Variants in ZDHHC14 observed in about 807,000 individuals in gnomAD.
ZDHHC14 encodes zDHHC palmitoyltransferase 14, also known as palmitoyltransferase ZDHHC14.
In ZDHHC14, 16 loss-of-function variants were observed where a neutral mutation model predicts 47.7. The ratio of observed to expected loss-of-function variants is 0.34; its 90% CI spans 0.23 to 0.51. The LOEUF (loss-of-function observed/expected upper bound fraction) is 0.51, where lower values mean the gene tolerates loss of function less well. ZDHHC14 is among the 20% of genes least tolerant of loss of function. The pLI, the probability that ZDHHC14 is intolerant of heterozygous loss-of-function variation, is 0.97. For missense variants in ZDHHC14, 515 were observed against 662.5 expected, an observed-to-expected ratio of 0.78 and a Z score of 2.44; for synonymous variants, 293 against 278.9, an observed-to-expected ratio of 1.05 and a Z score of -0.50.
intron 1 of ZDHHC14, among the ~76,000 whole-genome samples, chr6:157,435,040 G>A (rs143188490): frequency 6.6e-6 from 1 of 152,346 alleles, no homozygotes; most frequent in East Asian, 1.9e-4. Flanking sequence ...GACCATCGCT[G>A]AACACAGATC....
chr6:157,657,855 G>A (rs1002904857), intron 8 of ZDHHC14, among the ~76,000 whole-genome samples: 1 of 152,178 alleles, frequency 6.6e-6, no homozygotes, highest in Non-Finnish European at 1.5e-5. Flanking sequence ...ATCTGGAAGA[G>A]GAACATTGGA....
intron 1 of ZDHHC14, among the ~76,000 whole-genome samples, chr6:157,443,018 C>G (rs1487685884): frequency 2.0e-5 from 3 of 152,118 alleles, no homozygotes; most frequent in African/African-American, 7.2e-5. Flanking sequence ...CTCTGTGTCC[C>G]CACCCAAACC....
At chr6:157,392,440 G>GC (rs995129466) in intron 1 of ZDHHC14, among the ~76,000 whole-genome samples, 1 of 151,922 alleles carries the variant, frequency 6.6e-6, no homozygotes, top group Non-Finnish European at 1.5e-5. Context: ...TGTGTATACA[G>GC]CCCCCCGTGT....
intron 1 of ZDHHC14, among the ~76,000 whole-genome samples, chr6:157,396,645 T>A (rs1158285179): frequency 6.6e-6 from 1 of 152,228 alleles, no homozygotes; most frequent in East Asian, 1.9e-4. Context: ...ATTATGGCTC[T>A]ATTTGGGAAA....
At chr6:157,585,035 T>C (rs1783638493) in intron 2 of ZDHHC14, among the ~76,000 whole-genome samples, 1 of 151,740 alleles carries the variant, frequency 6.6e-6, no homozygotes, top group African/African-American at 2.4e-5. Flanking sequence ...CAAAACCCCG[T>C]CTCTACTAAA....
intron 1 of ZDHHC14, among the ~76,000 whole-genome samples, chr6:157,429,616 G>C (rs1778296672): frequency 6.6e-6 from 1 of 151,746 alleles, no homozygotes; most frequent in Non-Finnish European, 1.5e-5. Context: ...GGAGGGGAAG[G>C]AAGGAGGGGA....
chr6:157,598,444 T>C (rs1380536479), intron 3 of ZDHHC14, among the ~76,000 whole-genome samples: 4 of 152,142 alleles, frequency 2.6e-5, no homozygotes, highest in Non-Finnish European at 5.9e-5. Context: ...ATGTGTTAAG[T>C]GCTGTGACAA....
chr6:157,397,868 TC>T (rs1380959599), intron 1 of ZDHHC14, among the ~76,000 whole-genome samples: 1 of 151,986 alleles, frequency 6.6e-6, no homozygotes, highest in African/African-American at 2.4e-5. Context: ...ACCGTGTCCA[TC>T]ACGGTTAATG....
intron 1 of ZDHHC14, among the ~76,000 whole-genome samples, chr6:157,484,441 C>CAT (rs536881364): frequency 2.6e-4 from 37 of 143,256 alleles, no homozygotes; most frequent in Non-Finnish European, 4.5e-4. Flanking sequence ...CGTATATATA[C>CAT]ATATATATGT....
chr6:157,503,596 T>C (rs912248075), intron 1 of ZDHHC14, among the ~76,000 whole-genome samples: 1 of 152,216 alleles, frequency 6.6e-6, no homozygotes, highest in African/African-American at 2.4e-5. Context: ...TCTCCTGATG[T>C]GTCTTGATTT....
At chr6:157,590,579 T>C (rs1390936310) in intron 2 of ZDHHC14, among the ~76,000 whole-genome samples, 1 of 152,326 alleles carries the variant, frequency 6.6e-6, no homozygotes, top group East Asian at 1.9e-4. Context: ...AGAGGATGTA[T>C]GGAAATGCCT....
chr6:157,564,628 C>T (rs1195875401), intron 2 of ZDHHC14, among the ~76,000 whole-genome samples: 1 of 152,164 alleles, frequency 6.6e-6, no homozygotes, highest in Non-Finnish European at 1.5e-5. Flanking sequence ...CTAGACCAAA[C>T]TGCTATTGAT....
At chr6:157,540,175 A>G (rs1781693396) in intron 1 of ZDHHC14, among the ~76,000 whole-genome samples, 2 of 152,152 alleles carry the variant, frequency 1.3e-5, no homozygotes, top group Non-Finnish European at 1.5e-5. Context: ...GCAAATACCA[A>G]TCTACAGTGT....
Position 157,381,916 on chromosome 6 carries a change from G to A in ZDHHC14, c.-106G>A, listed in dbSNP as rs1354456658. The stretch of plus-strand genomic sequence containing the variant: ...GAGCCCGTGTAGGGGCCGCGGCGCC[G>A]CGGCTCGGGGGGCGGCCGGGCGGCC... On this transcript the variant is annotated 5_prime_UTR_variant, in exon 1 of 9. Transcript: ENST00000359775. The A allele has an allele frequency of 1.1e-6, 1 of 947,862 alleles. No individual in the cohort carries two copies. Among genetic ancestry groups the A allele is most frequent in the South Asian group, 4.8e-5 (1 of 20,776 alleles). The allele number at this position is 947,862 out of a possible 1,614,324, so 58.7% of individuals were successfully genotyped here.
At chr6:157,602,071 A>C (rs1479039144) in intron 3 of ZDHHC14, among the ~76,000 whole-genome samples, 2 of 152,088 alleles carry the variant, frequency 1.3e-5, no homozygotes, top group African/African-American at 4.8e-5. Flanking sequence ...GCATGGTAGC[A>C]CACCCCTGTA....
chr6:157,658,235 A>G (rs1778189366), intron 8 of ZDHHC14, among the ~76,000 whole-genome samples: 1 of 152,158 alleles, frequency 6.6e-6, no homozygotes, highest in Non-Finnish European at 1.5e-5. Context: ...GGCTCCTGCC[A>G]GTTAGTTCCC....
chr6:157,381,474 C>A lies in ZDHHC14; in HGVS notation c.-548C>A. 2.8e-6 allele frequency: 1 copy of A among 356,326 alleles called. No homozygotes were observed. The highest frequency in any genetic ancestry group is 1.9e-5 in the South Asian group (1 of 53,218). The allele number at this position is 356,326 out of a possible 1,614,324, so 22.1% of individuals were successfully genotyped here. A position where few individuals can be genotyped will look rare whatever the true frequency, so the allele number is the denominator to read the frequency against. Reference sequence around the variant, plus strand: ...CCTGGGAGGGGTTGCCGGTGCCGCGCGCGGCCGCCCAGTCGCCAGCGCTCT... The same window carrying A: ...CCTGGGAGGGGTTGCCGGTGCCGCGAGCGGCCGCCCAGTCGCCAGCGCTCT... On this transcript the variant is annotated 5_prime_UTR_variant, in exon 1 of 9. Transcript: ENST00000359775.
chr6:157,655,197 G>A (rs2114994882), intron 8 of ZDHHC14, among the ~76,000 whole-genome samples: 1 of 152,306 alleles, frequency 6.6e-6, no homozygotes. Context: ...AACAGAGGGA[G>A]GAAGAGACAG....
intron 1 of ZDHHC14, among the ~76,000 whole-genome samples, chr6:157,471,174 C>T (rs538351484): frequency 4.6e-5 from 7 of 152,324 alleles, no homozygotes; most frequent in African/African-American, 1.7e-4. Flanking sequence ...TACTCGTATC[C>T]CCACCCCCAG....
Sources: gnomAD v4.1 joint callset for allele counts (sites outside exome capture counted in the v4.1 genomes callset) on GRCh38, gnomAD v4.1.1 for gene constraint, MANE v1.5 for transcripts, NCBI Gene and HGNC (gene_info 2026-07-23, HGNC 2026-07-21) for gene names.